Variants in GMDS observed in about 807,000 individuals in gnomAD.
GMDS encodes GDP-mannose 4,6 dehydratase.
A neutral mutation model predicts 49.9 loss-of-function variants in GMDS; 20 were observed. The observed-to-expected ratio is 0.40, with a 90% CI of 0.28 to 0.58. The LOEUF is 0.58. Ranked by LOEUF, GMDS falls within the 20% of genes least tolerant of loss-of-function variation. GMDS has a pLI of 0.42. For synonymous variants in GMDS, 177 were observed against 178.6 expected, an observed-to-expected ratio of 0.99 and a Z score of 0.07; for missense variants, 362 against 481.4, an observed-to-expected ratio of 0.75 and a Z score of 2.32.
chr6:1,750,237 A>G (rs973624298), intron 7 of GMDS, among the ~76,000 whole-genome samples: 66 of 152,218 alleles, frequency 4.3e-4, no homozygotes, highest in Non-Finnish European at 7.1e-4. Flanking sequence ...TTTCAAAAAA[A>G]GGAGTGTTGA....
At chr6:1,927,626 G>C (rs1762088615) in intron 7 of GMDS, among the ~76,000 whole-genome samples, 1 of 152,336 alleles carries the variant, frequency 6.6e-6, no homozygotes, top group Admixed American at 6.5e-5. Context: ...TACACTCGCA[G>C]CAGCGCTAGC....
At chr6:1,738,125 CCATACACA>C (rs1313751954) in intron 8 of GMDS, among the ~76,000 whole-genome samples, 14 of 143,062 alleles carry the variant, frequency 9.8e-5, no homozygotes, top group East Asian at 4.3e-4. Context: ...CACCACACAC[CCATACACA>C]CATACACACA....
intron 9 of GMDS, among the ~76,000 whole-genome samples, chr6:1,674,270 G>A (rs4552776): frequency 0.21 from 31,525 of 151,938 alleles, 3,512 homozygotes; most frequent in East Asian, 0.49. Flanking sequence ...CCCTAGTGAC[G>A]TATGACGCTG....
chr6:2,124,602 A>G (rs757763327), intron 2 of GMDS, 85 bp downstream of exon 2: 10 of 977,170 alleles, frequency 1.0e-5, no homozygotes, highest in Non-Finnish European at 1.7e-5. Flanking sequence ...AAACACACTC[A>G]GGAGGACGGC....
chr6:1,957,051 C>A (rs1044898104), intron 6 of GMDS, among the ~76,000 whole-genome samples: 2 of 152,154 alleles, frequency 1.3e-5, no homozygotes, highest in African/African-American at 4.8e-5. Flanking sequence ...GATTCACCTG[C>A]CTCGGCCTCC....
At chr6:2,101,677 G>A (rs1427236550) in intron 4 of GMDS, among the ~76,000 whole-genome samples, 1 of 151,852 alleles carries the variant, frequency 6.6e-6, no homozygotes. Flanking sequence ...CAAACTGTGG[G>A]GGAAAAAAGG....
intron 4 of GMDS, among the ~76,000 whole-genome samples, chr6:1,972,802 T>G (rs1039655240): frequency 6.6e-6 from 1 of 152,222 alleles, no homozygotes; most frequent in Non-Finnish European, 1.5e-5. Flanking sequence ...TAAGTTCCAA[T>G]GTTTACCAGG....
chr6:1,670,298 T>C (rs1052681755), intron 9 of GMDS, among the ~76,000 whole-genome samples: 1 of 151,936 alleles, frequency 6.6e-6, no homozygotes, highest in African/African-American at 2.4e-5. Context: ...CATACGACTT[T>C]CAGAAGTAAT....
intron 9 of GMDS, among the ~76,000 whole-genome samples, chr6:1,688,476 T>C (rs970519821): frequency 1.3e-5 from 2 of 152,234 alleles, no homozygotes; most frequent in African/African-American, 4.8e-5. Flanking sequence ...TCCAGTTCCC[T>C]CCACCTTCTA....
intron 7 of GMDS, among the ~76,000 whole-genome samples, chr6:1,914,071 C>G (rs1242887403): frequency 6.6e-6 from 1 of 150,620 alleles, no homozygotes; most frequent in Non-Finnish European, 1.5e-5. Flanking sequence ...AGCCAAAAGC[C>G]AGCATATGAT....
intron 7 of GMDS, among the ~76,000 whole-genome samples, chr6:1,880,277 A>C (rs13203536): frequency 0.083 from 7,470 of 90,242 alleles, 281 homozygotes; most frequent in South Asian, 0.23. Flanking sequence ...ACGAGACCTC[A>C]TTTCCACAAA....
intron 7 of GMDS, among the ~76,000 whole-genome samples, chr6:1,893,273 A>G (rs886509405): frequency 6.6e-6 from 1 of 150,468 alleles, no homozygotes; most frequent in Non-Finnish European, 1.5e-5. Flanking sequence ...AGCTCACTGA[A>G]ACCTCCACCT....
intron 4 of GMDS, among the ~76,000 whole-genome samples, chr6:2,025,872 A>T (rs1332691591): frequency 6.6e-6 from 1 of 152,156 alleles, no homozygotes; most frequent in Non-Finnish European, 1.5e-5. Flanking sequence ...TCTGTAAATT[A>T]GATTATTCTA....
At chr6:1,958,052 G>T (rs2325721) in intron 6 of GMDS, among the ~76,000 whole-genome samples, 1 of 150,944 alleles carries the variant, frequency 6.6e-6, no homozygotes, top group Non-Finnish European at 1.5e-5. Context: ...GTGATCCCCC[G>T]AACTTAGCTT....
chr6:1,910,597 G>C (rs1761002022), intron 7 of GMDS, among the ~76,000 whole-genome samples: 1 of 152,140 alleles, frequency 6.6e-6, no homozygotes, highest in South Asian at 2.1e-4. Context: ...ACGGTGAAGT[G>C]ATTGTAGGAG....
intron 4 of GMDS, among the ~76,000 whole-genome samples, chr6:1,995,973 G>A (rs983294884): frequency 6.6e-6 from 1 of 152,206 alleles, no homozygotes; most frequent in Non-Finnish European, 1.5e-5. Flanking sequence ...AGTTGGATCT[G>A]CAAAAGCCTG....
At chr6:1,728,375 C>T (rs1158380872) in intron 8 of GMDS, among the ~76,000 whole-genome samples, 2 of 152,144 alleles carry the variant, frequency 1.3e-5, no homozygotes, top group East Asian at 1.9e-4. Context: ...TTTCGTTCTT[C>T]GCAAAGAGAA....
At chr6:1,856,525 T>A (rs1757944157) in intron 7 of GMDS, among the ~76,000 whole-genome samples, 1 of 152,254 alleles carries the variant, frequency 6.6e-6, no homozygotes, top group Non-Finnish European at 1.5e-5. Flanking sequence ...TGCATTTTAA[T>A]AGTCTGCAGC....
intron 1 of GMDS, among the ~76,000 whole-genome samples, chr6:2,188,982 C>A (rs936278973): frequency 1.3e-5 from 2 of 152,158 alleles, no homozygotes; most frequent in Non-Finnish European, 2.9e-5. Flanking sequence ...TGTCACAAAG[C>A]TAGAACACTT....
Sources: gnomAD v4.1 joint callset for allele counts (sites outside exome capture counted in the v4.1 genomes callset) on GRCh38, gnomAD v4.1.1 for gene constraint, MANE v1.5 for transcripts, NCBI Gene and HGNC (gene_info 2026-07-23, HGNC 2026-07-21) for gene names.